Variants in TNNI3K observed in about 807,000 individuals in gnomAD.
TNNI3K encodes TNNI3 interacting kinase.
TNNI3K carries 140 observed loss-of-function variants against 114.5 expected under a neutral mutation model. The observed-to-expected ratio is 1.22, with a 90% CI of 1.07 to 1.41. The LOEUF (loss-of-function observed/expected upper bound fraction) is 1.41. Ranked by LOEUF, TNNI3K falls within the 40% of genes most tolerant of loss-of-function variation. TNNI3K has a pLI of 0.00. For missense variants in TNNI3K, 1,125 were observed against 1,007.6 expected, an observed-to-expected ratio of 1.12 and a Z score of -1.58; for synonymous variants, 347 against 347.5, an observed-to-expected ratio of 1.00 and a Z score of 0.02.
At chr1:74,496,836 C>A (rs923530843) in intron 23 of TNNI3K, among the ~76,000 whole-genome samples, 9 of 152,104 alleles carry the variant, frequency 5.9e-5, no homozygotes, top group African/African-American at 2.2e-4. Flanking sequence ...GGTATGAAAT[C>A]CCATCTTGTA....
intron 2 of TNNI3K, among the ~76,000 whole-genome samples, chr1:74,242,082 C>T (rs1352726333): frequency 6.6e-6 from 1 of 151,976 alleles, no homozygotes; most frequent in African/African-American, 2.4e-5. Flanking sequence ...ATCTCCTGAC[C>T]TCGTGATCTG....
chr1:74,520,260 T>C (rs1570735031), intron 23 of TNNI3K, among the ~76,000 whole-genome samples: 5 of 152,294 alleles, frequency 3.3e-5, no homozygotes, highest in Admixed American at 2.0e-4. Context: ...AAAAATTGAC[T>C]CAACTGGAAT....
intron 23 of TNNI3K, 86 bp downstream of exon 23, chr1:74,492,352 A>G (rs867316559): frequency 7.4e-7 from 1 of 1,344,376 alleles, no homozygotes; most frequent in African/African-American, 1.5e-5. Flanking sequence ...TACTATTAAC[A>G]GGGTTTGATT....
intron 5 of TNNI3K, among the ~76,000 whole-genome samples, chr1:74,330,672 TA>T (rs1660152953): frequency 6.6e-6 from 1 of 152,216 alleles, no homozygotes; most frequent in South Asian, 2.1e-4. Context: ...CAGTCTAATT[TA>T]TATGGCCTCA....
intron 23 of TNNI3K, among the ~76,000 whole-genome samples, chr1:74,532,355 T>C (rs1391212918): frequency 6.6e-6 from 1 of 152,206 alleles, no homozygotes. Flanking sequence ...TTCATCTTTA[T>C]GTGCAAATAA....
At chr1:74,501,184 C>T (rs1270277652) in intron 23 of TNNI3K, among the ~76,000 whole-genome samples, 1 of 151,976 alleles carries the variant, frequency 6.6e-6, no homozygotes, top group Non-Finnish European at 1.5e-5. Flanking sequence ...TTTCTCTATC[C>T]TGCTTTCTGG....
intron 23 of TNNI3K, among the ~76,000 whole-genome samples, chr1:74,502,049 C>T (rs17095455): frequency 0.1 from 15,776 of 152,104 alleles, 2,171 homozygotes; most frequent in African/African-American, 0.32. Flanking sequence ...TTATCTGACC[C>T]TCCACCTTGC....
At chr1:74,391,825 G>A (rs982943705) in intron 17 of TNNI3K, among the ~76,000 whole-genome samples, 4 of 152,126 alleles carry the variant, frequency 2.6e-5, no homozygotes, top group Non-Finnish European at 5.9e-5. Flanking sequence ...GCAGCAAATG[G>A]TGCTATGGGA....
At chr1:74,287,291 A>G (rs1657392543) in intron 5 of TNNI3K, among the ~76,000 whole-genome samples, 1 of 152,162 alleles carries the variant, frequency 6.6e-6, no homozygotes. Context: ...AAAGGGGAAG[A>G]AAGCTTATTG....
At chr1:74,286,582 G>A (rs189031702) in intron 5 of TNNI3K, among the ~76,000 whole-genome samples, 23 of 152,208 alleles carry the variant, frequency 1.5e-4, no homozygotes, top group African/African-American at 5.5e-4. Flanking sequence ...CTCCAGGCTT[G>A]CCCCTACAAA....
chr1:74,491,662 C>A (rs1034517446), intron 22 of TNNI3K, among the ~76,000 whole-genome samples: 1 of 152,110 alleles, frequency 6.6e-6, no homozygotes, highest in Non-Finnish European at 1.5e-5. Flanking sequence ...TTGATGTATT[C>A]TTGGAAAAGT....
chr1:74,299,842 T>C (rs1180907149), intron 5 of TNNI3K, among the ~76,000 whole-genome samples: 3 of 152,142 alleles, frequency 2.0e-5, no homozygotes, highest in African/African-American at 7.2e-5. Context: ...TATTTGTATG[T>C]TATCTTCTAG....
intron 2 of TNNI3K, among the ~76,000 whole-genome samples, chr1:74,241,841 A>G (rs1654239887): frequency 7.1e-6 from 1 of 141,074 alleles, no homozygotes; most frequent in Admixed American, 7.4e-5. Context: ...TTAGACATGA[A>G]GTTCTTTTCC....
At chr1:74,280,565 A>G (rs958564787) in intron 5 of TNNI3K, among the ~76,000 whole-genome samples, 1 of 152,098 alleles carries the variant, frequency 6.6e-6, no homozygotes, top group South Asian at 2.1e-4. Context: ...TTGGAACTCA[A>G]TGATGGCCTA....
chr1:74,492,362 T>C lies in TNNI3K; in HGVS notation c.2351+96T>C, dbSNP rs180759373. On this transcript the variant is annotated intron_variant, in intron 23 of 24. Coordinates refer to ENST00000326637, the MANE Select transcript of TNNI3K (RefSeq NM_015978.3). ...TTGATTACTATTAACAGGGTTTGATTACCCCCTGAAAAACTTTGAAAGAGG... is the reference window on the plus strand; with the variant it reads ...TTGATTACTATTAACAGGGTTTGATCACCCCCTGAAAAACTTTGAAAGAGG... 35 of 1,321,084 alleles carry C rather than the reference T, an allele frequency of 2.6e-5. No homozygotes were observed. In the African/African-American group the frequency reaches 3.7e-4, roughly 14 times the overall value. The allele number at this position is 1,321,084 out of a possible 1,614,324, so 81.8% of individuals were successfully genotyped here. A position where few individuals can be genotyped will look rare whatever the true frequency, so the allele number is the denominator to read the frequency against.
intron 17 of TNNI3K, chr1:74,378,920 G>A (rs1213109217): frequency 6.6e-6 from 1 of 151,620 alleles, no homozygotes; most frequent in Non-Finnish European, 1.5e-5. Context: ...TAAGAAGGCT[G>A]ATCTGGATTT....
intron 23 of TNNI3K, among the ~76,000 whole-genome samples, chr1:74,534,975 C>T (rs1215917828): frequency 1.3e-5 from 2 of 152,166 alleles, no homozygotes; most frequent in Non-Finnish European, 1.5e-5. Context: ...ACAAAAGCTA[C>T]TAACAGCACA....
rs34656417 is a variant in TNNI3K, at chr1:74,391,957, A to ATTTTTTTT, written c.1772+21584_1772+21591dup. Among the ~76,000 whole-genome samples, 18 of 93,028 alleles carry ATTTTTTTT rather than the reference A, an allele frequency of 1.9e-4. 1 individual carries two copies. Among genetic ancestry groups the ATTTTTTTT allele is most frequent in the African/African-American group, 5.4e-4 (14 of 25,690 alleles). 61.0% of individuals were successfully genotyped at this position (93,028 alleles called of 152,430 possible). ...TTGATTTAGGATGGTACAGCTTATTATTTTTTTTTTTTTTTTTTTTTTTTT... is the reference window on the plus strand; with the variant it reads ...TTGATTTAGGATGGTACAGCTTATTATTTTTTTTTTTTTTTTTTTTTTTTTTTTTTTTT... On this transcript the variant is annotated intron_variant, in intron 17 of 24. Transcript: ENST00000326637.
intron 17 of TNNI3K, among the ~76,000 whole-genome samples, chr1:74,428,774 A>G (rs1223653159): frequency 1.3e-5 from 2 of 152,012 alleles, no homozygotes; most frequent in African/African-American, 4.8e-5. Context: ...ATTTCTGCAA[A>G]ATGTTCAAAA....
Sources: gnomAD v4.1 joint callset for allele counts (sites outside exome capture counted in the v4.1 genomes callset) on GRCh38, gnomAD v4.1.1 for gene constraint, MANE v1.5 for transcripts, NCBI Gene and HGNC (gene_info 2026-07-23, HGNC 2026-07-21) for gene names.